The following MAN1C1 variants were observed in gnomAD, a reference collection of about 807,000 sequenced individuals.
The protein encoded by MAN1C1 is mannosidase alpha class 1C member 1.
A neutral mutation model predicts 71.5 loss-of-function variants in MAN1C1; 49 were observed. The observed-to-expected ratio is 0.69, with a 90% CI of 0.54 to 0.87. The LOEUF is 0.87. Ranked by LOEUF, MAN1C1 falls within the 40% of genes least tolerant of loss-of-function variation. MAN1C1 has a pLI of 0.00. For missense variants in MAN1C1, 743 were observed against 835.0 expected (o/e 0.89, Z 1.36); for synonymous variants, 352 against 343.7 (o/e 1.02, Z -0.27).
chr1:25,707,809 G>C (rs572919364), intron 2 of MAN1C1, among the ~76,000 whole-genome samples: 1 of 152,324 alleles, frequency 6.6e-6, no homozygotes, highest in African/African-American at 2.4e-5. Context: ...ATGCAGGCGT[G>C]GGAAACAAAT....
At chr1:25,777,376 GC>G (rs1019722168) in intron 8 of MAN1C1, among the ~76,000 whole-genome samples, 3 of 152,000 alleles carry the variant, frequency 2.0e-5, no homozygotes, top group African/African-American at 7.2e-5. Context: ...ACCCCCTCAC[GC>G]CCCCGACATC....
chr1:25,686,176 G>A (rs2046227984), intron 1 of MAN1C1, among the ~76,000 whole-genome samples: 1 of 152,206 alleles, frequency 6.6e-6, no homozygotes, highest in East Asian at 1.9e-4. Flanking sequence ...AGGATATCTA[G>A]AATTTAGTGC....
chr1:25,712,636 CAAG>C (rs1213564898), intron 2 of MAN1C1, among the ~76,000 whole-genome samples: 1 of 152,174 alleles, frequency 6.6e-6, no homozygotes, highest in Admixed American at 6.5e-5. Flanking sequence ...ACCTACAATC[CAAG>C]GCATGGAGGA....
At position 25,646,602 on chromosome 1, in the gene MAN1C1, A is replaced by G. The variant is rs149024228; in HGVS notation, c.540+28265A>G. On this transcript the variant is annotated intron_variant, in intron 1 of 11. Transcript: ENST00000374332. ...CATACCCATTAGGCAGTCACTCCAG[A>G]CCCACTACCCCCAGCCCAGTCCCTG... Among the ~76,000 whole-genome samples the G allele has an allele frequency of 1.4e-3, 215 of 152,188 alleles. 1 individual carries two copies. The highest frequency in any genetic ancestry group is 4.5e-3 in the African/African-American group (187 of 41,520).
At chr1:25,737,108 T>C (rs1294735169) in intron 2 of MAN1C1, among the ~76,000 whole-genome samples, 4 of 152,226 alleles carry the variant, frequency 2.6e-5, no homozygotes, top group Non-Finnish European at 5.9e-5. Flanking sequence ...TACAGCACGG[T>C]CAGAGGGAGT....
At chr1:25,692,933 C>A (rs980850444) in intron 2 of MAN1C1, among the ~76,000 whole-genome samples, 1 of 152,204 alleles carries the variant, frequency 6.6e-6, no homozygotes, top group Non-Finnish European at 1.5e-5. Context: ...ATAGGAACAT[C>A]TTTTATGCGT....
intron 2 of MAN1C1, among the ~76,000 whole-genome samples, chr1:25,741,985 A>G (rs1053127353): frequency 6.6e-6 from 1 of 152,138 alleles, no homozygotes; most frequent in Non-Finnish European, 1.5e-5. Flanking sequence ...CTTGACCTCA[A>G]GGGGCTCACA....
chr1:25,732,726 A>G (rs926138086), intron 2 of MAN1C1, among the ~76,000 whole-genome samples: 1 of 152,198 alleles, frequency 6.6e-6, no homozygotes, highest in Non-Finnish European at 1.5e-5. Context: ...CACTGCCTGC[A>G]GCTAAGCTAT....
At chr1:25,703,681 A>T (rs1187502044) in intron 2 of MAN1C1, among the ~76,000 whole-genome samples, 1 of 151,152 alleles carries the variant, frequency 6.6e-6, no homozygotes, top group Non-Finnish European at 1.5e-5. Context: ...AACTCTGTCT[A>T]AAAAAAAAGA....
intron 2 of MAN1C1, among the ~76,000 whole-genome samples, chr1:25,699,682 G>A (rs963839081): frequency 5.3e-5 from 8 of 152,204 alleles, no homozygotes; most frequent in Non-Finnish European, 1.2e-4. Flanking sequence ...TAAAATAGCA[G>A]GTGATTGGGC....
chr1:25,750,452 C>T (rs1311021861), intron 4 of MAN1C1, among the ~76,000 whole-genome samples: 1 of 152,000 alleles, frequency 6.6e-6, no homozygotes, highest in African/African-American at 2.4e-5. Context: ...ATAATGATGC[C>T]TGCCCCCCGC....
Position 25,618,030 on chromosome 1 carries a change from A to AGGAGCCGCCTCC in MAN1C1, c.234_245dup (p.Glu79_Pro82dup). On this transcript the variant is annotated inframe_insertion, in exon 1 of 12. Coordinates refer to ENST00000374332, the MANE Select transcript of MAN1C1 (RefSeq NM_020379.4). ...GCCGGCCATGCCCCGGCCCGCGAGC[A>AGGAGCCGCCTCC]GGAGCCGCCTCCCAACCCGGCCCCC... 1.3e-6 allele frequency: 2 copies of AGGAGCCGCCTCC among 1,593,386 alleles called. No individual in the cohort carries two copies. The highest frequency in any genetic ancestry group is 2.2e-5 in the South Asian group (2 of 89,704).
At chr1:25,758,303 G>A (rs1303413912) in intron 5 of MAN1C1, among the ~76,000 whole-genome samples, 1 of 152,174 alleles carries the variant, frequency 6.6e-6, no homozygotes, top group Non-Finnish European at 1.5e-5. Context: ...CATAACTCTT[G>A]TACCAGGTCT....
chr1:25,671,273 G>A (rs2045989069), intron 1 of MAN1C1, among the ~76,000 whole-genome samples: 1 of 152,172 alleles, frequency 6.6e-6, no homozygotes, highest in Non-Finnish European at 1.5e-5. Context: ...GCTGGCATAG[G>A]ATTAAATGCT....
At chr1:25,695,704 A>C (rs2046361235) in intron 2 of MAN1C1, among the ~76,000 whole-genome samples, 1 of 152,252 alleles carries the variant, frequency 6.6e-6, no homozygotes, top group South Asian at 2.1e-4. Flanking sequence ...GTTCTTTAAA[A>C]GGCTTTCCAC....
At chr1:25,761,687 T>C (rs813954) in intron 6 of MAN1C1, 125,628 of 147,146 alleles carry the variant, frequency 0.85, 54,003 homozygotes, top group East Asian at 0.99. Context: ...GCAGTGGCAC[T>C]ATCTCGGCTC....
chr1:25,656,464 C>T (rs1410248554), intron 1 of MAN1C1, among the ~76,000 whole-genome samples: 4 of 152,080 alleles, frequency 2.6e-5, no homozygotes, highest in South Asian at 2.1e-4. Context: ...CTGCACTGGG[C>T]GGCTGAGTTG....
At chr1:25,620,472 A>G (rs1278882166) in intron 1 of MAN1C1, among the ~76,000 whole-genome samples, 1 of 152,158 alleles carries the variant, frequency 6.6e-6, no homozygotes, top group East Asian at 1.9e-4. Flanking sequence ...TTAGTTGTTA[A>G]CAGTTACCAT....
rs371173401 is a variant in MAN1C1, at chr1:25,782,709, T to A, written c.1766+9T>A. Reference sequence around the variant, plus strand: ...CTAGCGGAGACACTAAAGTGAGCAGTGTGGGCTCTTCCTAGGGATGGACAG... The same window carrying A: ...CTAGCGGAGACACTAAAGTGAGCAGAGTGGGCTCTTCCTAGGGATGGACAG... On this transcript the variant is annotated intron_variant, in intron 11 of 11. Transcript: ENST00000374332. The surrounding 1 kb of genome is among the most constrained non-coding windows in gnomAD (Gnocchi z 4.4). The A allele has an allele frequency of 8.7e-6, 14 of 1,602,482 alleles. No individual in the cohort carries two copies. Among genetic ancestry groups the A allele is most frequent in the Non-Finnish European group, 1.2e-5 (14 of 1,169,648 alleles).
Sources: allele counts gnomAD v4.1 joint callset (sites outside exome capture counted in the v4.1 genomes callset), GRCh38; gene constraint gnomAD v4.1.1; non-coding constraint Gnocchi (gnomAD v3.1); transcripts MANE v1.5; gene names NCBI Gene and HGNC (gene_info 2026-07-23, HGNC 2026-07-21).